TPP2: variants seen among roughly 807,000 people sequenced by gnomAD.
TPP2 encodes tripeptidyl peptidase 2.
A neutral mutation model predicts 155.9 loss-of-function variants in TPP2; 34 were observed. The observed-to-expected ratio is 0.22, with a 90% confidence interval of 0.17 to 0.29. The LOEUF (loss-of-function observed/expected upper bound fraction) is 0.29, where lower values mean the gene tolerates loss of function less well. TPP2 is among the 10% of genes least tolerant of loss of function. TPP2 has a pLI of 1.00. For synonymous variants in TPP2, 510 were observed against 529.4 expected (o/e 0.96, Z 0.50); for missense variants, 1,028 against 1,522.3 (o/e 0.68, Z 5.40).
In TPP2 at chr13:102,627,171, GTGTT is replaced by G; in HGVS notation, c.939+9_939+12del. ...GGCACAGGCCTCATAAGAGCTGTGAGTGTTTGTGAGTTGTTGATTCAGAAGATTA... is the reference window on the plus strand; with the variant it reads ...GGCACAGGCCTCATAAGAGCTGTGAGTGTGAGTTGTTGATTCAGAAGATTA... On this transcript the variant is annotated splice_donor_region_variant and intron_variant, in intron 7 of 29. Coordinates refer to ENST00000376052, the MANE Select transcript of TPP2 (RefSeq NM_001330588.2). The G allele has an allele frequency of 6.4e-7, 1 of 1,559,960 alleles. No homozygotes were observed. Among genetic ancestry groups the G allele is most frequent in the Non-Finnish European group, 8.6e-7 (1 of 1,156,182 alleles).
chr13:102,641,339 G>A (rs763698274), intron 16 of TPP2, among the ~76,000 whole-genome samples: 2 of 152,184 alleles, frequency 1.3e-5, no homozygotes, highest in African/African-American at 2.4e-5. Flanking sequence ...ATTTAAATTA[G>A]TAGCCAGCAT....
intron 1 of TPP2, among the ~76,000 whole-genome samples, chr13:102,604,003 T>C (rs535755808): frequency 6.6e-6 from 1 of 152,336 alleles, no homozygotes; most frequent in African/African-American, 2.4e-5. Flanking sequence ...TTAGCTTCGC[T>C]GTGAGGAGTC....
chr13:102,679,291 T>A lies in TPP2; in HGVS notation c.*975T>A, dbSNP rs879717403. On this transcript the variant is annotated 3_prime_UTR_variant, in exon 30 of 30. Coordinates refer to ENST00000376052, the MANE Select transcript of TPP2 (RefSeq NM_001330588.2). ...CTATTTTACAGTGTTTCTTATAGGC[T>A]TACAATTATTTGAATGTATTTCCAG... 3 of 152,320 alleles carry A rather than the reference T, an allele frequency of 2.0e-5. No homozygotes were observed. The highest frequency in any genetic ancestry group is 4.4e-5 in the Non-Finnish European group (3 of 68,034). The allele number at this position is 152,320 out of a possible 1,614,324, so 9.4% of individuals were successfully genotyped here. A position where few individuals can be genotyped will look rare whatever the true frequency, so the allele number is the denominator to read the frequency against.
At chr13:102,658,879 TGTAAA>T (rs1884026411) in intron 25 of TPP2, among the ~76,000 whole-genome samples, 1 of 146,702 alleles carries the variant, frequency 6.8e-6, no homozygotes, top group Non-Finnish European at 1.5e-5. Flanking sequence ...GGGGCTCTCT[TGTAAA>T]GTACTGTTGG....
intron 5 of TPP2, among the ~76,000 whole-genome samples, chr13:102,619,745 A>G (rs1391634866): frequency 6.6e-6 from 1 of 152,112 alleles, no homozygotes; most frequent in Non-Finnish European, 1.5e-5. Flanking sequence ...ACTGCACATA[A>G]CTCTTTCAAT....
intron 6 of TPP2, 70 bp from the exon 7 acceptor site, chr13:102,626,942 T>C (rs1595158943): frequency 7.2e-7 from 1 of 1,393,586 alleles, no homozygotes; most frequent in African/African-American, 1.5e-5. Context: ...ATTAATAATA[T>C]GCAAATTGAA....
rs774787098 is a variant in TPP2, at chr13:102,649,432, A to G, written c.2898A>G (p.Gly966=). The change falls in exon 23 of 30, where the codon GGA becomes GGG. Residue 966 remains glycine, a synonymous_variant. Transcript: ENST00000376052. ...DDKIPKGAGP[G]CYLAGSLTLS... Reference sequence around the variant, plus strand: ...GAATACCTAAAGGGGCAGGACCTGGATGCTATCTTGCAGGATCCTTAACAT... The same window carrying G: ...GAATACCTAAAGGGGCAGGACCTGGGTGCTATCTTGCAGGATCCTTAACAT... 17 of 1,612,896 alleles carry G rather than the reference A, an allele frequency of 1.1e-5. No homozygotes were observed. In the Admixed American group the frequency reaches 2.3e-4, roughly 22 times the overall value.
chr13:102,658,227 C>A (rs184929781), intron 25 of TPP2, among the ~76,000 whole-genome samples: 6 of 152,282 alleles, frequency 3.9e-5, no homozygotes, highest in Non-Finnish European at 1.5e-5. Context: ...GAATCCTCTT[C>A]AGCTGATTAT....
At position 102,664,867 on chromosome 13, in the gene TPP2, C is replaced by T. The variant is rs1309993532; in HGVS notation, c.3313C>T (p.Leu1105=). ...AVISHIDQTA[L]AVYIAMKTDP... ...TATTTCTCATATAGATCAAACAGCC[C>T]TAGCAGTTTATATTGCAATGAAGAC... is the stretch of plus-strand genomic sequence containing the variant. Residue 1105 remains leucine (L), a synonymous_variant, in exon 27 of 30, where the codon CTA becomes TTA. Coordinates refer to ENST00000376052, the MANE Select transcript of TPP2 (RefSeq NM_001330588.2). 1.2e-6 allele frequency: 2 copies of T among 1,613,518 alleles called. No individual in the cohort carries two copies. Among genetic ancestry groups the T allele is most frequent in the African/African-American group, 2.7e-5 (2 of 74,870 alleles).
At position 102,596,997 on chromosome 13, in the gene TPP2, A is replaced by G. The variant is rs1464149179; in HGVS notation, c.-42A>G. The G allele has an allele frequency of 2.5e-6, 4 of 1,598,692 alleles. No individual in the cohort carries two copies. In the South Asian group the frequency reaches 3.3e-5, roughly 13 times the overall value. On this transcript the variant is annotated 5_prime_UTR_variant, in exon 1 of 30. Transcript: ENST00000376052. ...GTCCTCGCGCTGCTAGTCCGCGCGC[A>G]GCCTGGCAGTTTGCCGCTTCCTCGT...
At chr13:102,616,963 T>C (rs961212841) in intron 4 of TPP2, among the ~76,000 whole-genome samples, 1 of 151,736 alleles carries the variant, frequency 6.6e-6, no homozygotes, top group Non-Finnish European at 1.5e-5. Context: ...CAGGCTGGAG[T>C]GCAGTGGTGT....
chr13:102,669,642 G>T (rs601269), intron 27 of TPP2, among the ~76,000 whole-genome samples: 1 of 152,034 alleles, frequency 6.6e-6, no homozygotes, highest in Non-Finnish European at 1.5e-5. Flanking sequence ...GGGGACATGC[G>T]TGTGAGCTGG....
chr13:102,674,518 A>G lies in TPP2; in HGVS notation c.3579+28A>G, dbSNP rs777276558. ...AACGTTTCTGCTTCTTGTTTCAGCA[A>G]AGTTCTTGGGGTTACCTCACAGACC... is the stretch of plus-strand genomic sequence containing the variant. On this transcript the variant is annotated intron_variant, in intron 28 of 29. Transcript: ENST00000376052. 23 of 1,611,598 alleles carry G rather than the reference A, an allele frequency of 1.4e-5. No individual in the cohort carries two copies. In the Admixed American group the frequency reaches 2.2e-4, roughly 15 times the overall value.
chr13:102,670,659 G>A (rs1043213450), intron 27 of TPP2, among the ~76,000 whole-genome samples: 2 of 152,134 alleles, frequency 1.3e-5, no homozygotes, highest in African/African-American at 4.8e-5. Flanking sequence ...TAAATACCTG[G>A]GAGAGTCTAG....
intron 27 of TPP2, 24 bp downstream of exon 27, chr13:102,664,949 T>G: frequency 1.2e-6 from 2 of 1,607,222 alleles, no homozygotes; most frequent in Non-Finnish European, 1.7e-6. Context: ...AAATAATCTT[T>G]CTTGCATCTC....
intron 24 of TPP2, among the ~76,000 whole-genome samples, chr13:102,653,740 G>A (rs1415326219): frequency 6.6e-6 from 1 of 152,094 alleles, no homozygotes; most frequent in African/African-American, 2.4e-5. Flanking sequence ...ATTCAAATAT[G>A]ATATAAATTT....
intron 8 of TPP2, 89 bp from the exon 9 acceptor site, chr13:102,629,393 T>C: frequency 7.4e-7 from 1 of 1,355,800 alleles, no homozygotes; most frequent in Non-Finnish European, 9.5e-7. Context: ...AAAATTTATG[T>C]AGCCATATAT....
At chr13:102,615,229 C>T (rs1880628586) in intron 3 of TPP2, among the ~76,000 whole-genome samples, 1 of 152,196 alleles carries the variant, frequency 6.6e-6, no homozygotes, top group Admixed American at 6.5e-5. Context: ...AATGCAGTGG[C>T]ATGATCACAG....
intron 4 of TPP2, 26 bp downstream of exon 4, chr13:102,616,526 A>G: frequency 1.3e-6 from 2 of 1,578,264 alleles, no homozygotes; most frequent in Non-Finnish European, 1.7e-6. Flanking sequence ...TTTCATTTAA[A>G]CATTACCCTA....
Sources: gnomAD v4.1 joint callset for allele counts (sites outside exome capture counted in the v4.1 genomes callset) on GRCh38, gnomAD v4.1.1 for gene constraint, MANE v1.5 for transcripts, NCBI Gene and HGNC (gene_info 2026-07-23, HGNC 2026-07-21) for gene names.